The following EFCAB6 variants were observed in gnomAD, a reference collection of about 807,000 sequenced individuals.
The protein encoded by EFCAB6 is EF-hand calcium binding domain 6, also known as EF-hand calcium-binding domain-containing protein 6.
Under a neutral mutation model 169.8 loss-of-function variants are expected in EFCAB6, and 156 were observed. The ratio of observed to expected loss-of-function variants is 0.92; its 90% CI spans 0.81 to 1.05. EFCAB6 has a LOEUF of 1.05. Ranked by LOEUF, EFCAB6 falls within the 50% of genes least tolerant of loss-of-function variation. EFCAB6 has a pLI of 0.00. For missense variants in EFCAB6, 1,800 were observed against 1,829.1 expected (o/e 0.98, Z 0.29); for synonymous variants, 698 against 676.4 (o/e 1.03, Z -0.50).
chr22:43,654,166 TATGAATAA>T (rs1217683415), intron 17 of EFCAB6, among the ~76,000 whole-genome samples: 4 of 152,262 alleles, frequency 2.6e-5, no homozygotes, highest in Non-Finnish European at 2.9e-5. Flanking sequence ...TCCATTCTAA[TATGAATAA>T]ATGGTTGAGT....
chr22:43,753,630 C>T lies in EFCAB6; in HGVS notation c.507+2136G>A, dbSNP rs559959142. Among the ~76,000 whole-genome samples the T allele has an allele frequency of 2.6e-5, 4 of 152,228 alleles. No individual in the cohort carries two copies. The South Asian group carries it at 6.2e-4, about 24-fold the overall frequency. On this transcript the variant is annotated intron_variant, in intron 6 of 31. Coordinates refer to ENST00000262726, the MANE Select transcript of EFCAB6 (RefSeq NM_022785.4). Reference sequence around the variant, plus strand: ...GACTGGATAAGAGCATGAACATGAGCGTCGGTTGGAGGGTCTGAGGGCCTG... The same window carrying T: ...GACTGGATAAGAGCATGAACATGAGTGTCGGTTGGAGGGTCTGAGGGCCTG...
intron 20 of EFCAB6, among the ~76,000 whole-genome samples, chr22:43,620,302 G>A (rs938534513): frequency 6.6e-6 from 1 of 151,758 alleles, no homozygotes; most frequent in Non-Finnish European, 1.5e-5. Context: ...GAGTGAGAGA[G>A]CTAGTTAAAA....
chr22:43,564,129 C>T (rs2049263750), intron 26 of EFCAB6, among the ~76,000 whole-genome samples: 1 of 152,170 alleles, frequency 6.6e-6, no homozygotes, highest in South Asian at 2.1e-4. Flanking sequence ...CAGGCATCTT[C>T]CAGGACATCC....
chr22:43,653,076 A>G (rs1250321419), intron 17 of EFCAB6, among the ~76,000 whole-genome samples: 1 of 152,194 alleles, frequency 6.6e-6, no homozygotes, highest in East Asian at 1.9e-4. Context: ...GATAGAAACT[A>G]CACAAAAGAG....
intron 20 of EFCAB6, among the ~76,000 whole-genome samples, chr22:43,620,816 G>C (rs2054066025): frequency 1.3e-5 from 2 of 152,086 alleles, no homozygotes; most frequent in Non-Finnish European, 2.9e-5. Flanking sequence ...GTAACTGATA[G>C]AATAAGGAGA....
At chr22:43,637,045 C>T (rs1308520683) in intron 17 of EFCAB6, among the ~76,000 whole-genome samples, 1 of 152,186 alleles carries the variant, frequency 6.6e-6, no homozygotes, top group East Asian at 1.9e-4. Flanking sequence ...CCATGGAGCC[C>T]TGGTGTCTTC....
intron 2 of EFCAB6, among the ~76,000 whole-genome samples, chr22:43,784,569 G>GTA (rs1569487286): frequency 2.5e-5 from 1 of 40,010 alleles, no homozygotes; most frequent in Admixed American, 4.3e-4. Flanking sequence ...ACATATATAT[G>GTA]TGTACATATA....
intron 3 of EFCAB6, among the ~76,000 whole-genome samples, chr22:43,779,170 G>A (rs2061733003): frequency 6.6e-6 from 1 of 152,188 alleles, no homozygotes; most frequent in South Asian, 2.1e-4. Context: ...GAATTCACTT[G>A]TTTTGCTTAG....
rs143964631 is a variant in EFCAB6, at chr22:43,570,810, G to A, written c.3420+5487C>T. Among the ~76,000 whole-genome samples, 4 of 152,266 alleles carry A rather than the reference G, an allele frequency of 2.6e-5. No individual in the cohort carries two copies. In the East Asian group the frequency reaches 5.8e-4, roughly 22 times the overall value. ...CGTCGCCTTCCCTTCCCGGAAGCTCGCAGGCCTCTGTGCCTCCTGGGCTGG... is the reference window on the plus strand; with the variant it reads ...CGTCGCCTTCCCTTCCCGGAAGCTCACAGGCCTCTGTGCCTCCTGGGCTGG... On this transcript the variant is annotated intron_variant, in intron 26 of 31. Coordinates refer to ENST00000262726, the MANE Select transcript of EFCAB6 (RefSeq NM_022785.4).
chr22:43,588,268 A>G (rs557166423), intron 24 of EFCAB6, among the ~76,000 whole-genome samples: 1 of 152,248 alleles, frequency 6.6e-6, no homozygotes, highest in Non-Finnish European at 1.5e-5. Context: ...ATATTTTTGA[A>G]GAAAATATCC....
chr22:43,587,381 T>A (rs577775768), intron 24 of EFCAB6, among the ~76,000 whole-genome samples: 1 of 152,340 alleles, frequency 6.6e-6, no homozygotes, highest in South Asian at 2.1e-4. Context: ...CCTGGTGGCT[T>A]AAAGCAACAC....
intron 17 of EFCAB6, among the ~76,000 whole-genome samples, chr22:43,642,809 A>T (rs2055888240): frequency 6.6e-6 from 1 of 152,200 alleles, no homozygotes; most frequent in East Asian, 1.9e-4. Flanking sequence ...CACAGGCCGC[A>T]GGATATTGGG....
chr22:43,690,226 G>T (rs950369947), intron 10 of EFCAB6, among the ~76,000 whole-genome samples: 1 of 151,940 alleles, frequency 6.6e-6, no homozygotes, highest in Non-Finnish European at 1.5e-5. Flanking sequence ...CGGGCTGGGC[G>T]CGGTGGCTCA....
chr22:43,688,126 G>A (rs758358651), intron 10 of EFCAB6, among the ~76,000 whole-genome samples: 13 of 152,198 alleles, frequency 8.5e-5, no homozygotes, highest in Non-Finnish European at 1.6e-4. Flanking sequence ...CATGAGGACA[G>A]AAGGGCAGAA....
chr22:43,586,161 T>C (rs2051049732), intron 24 of EFCAB6, among the ~76,000 whole-genome samples: 1 of 152,084 alleles, frequency 6.6e-6, no homozygotes, highest in Non-Finnish European at 1.5e-5. Context: ...CAACCATGTG[T>C]TGGGTGATTA....
intron 17 of EFCAB6, among the ~76,000 whole-genome samples, chr22:43,638,087 C>T (rs1034603112): frequency 2.0e-5 from 3 of 152,138 alleles, no homozygotes; most frequent in Non-Finnish European, 2.9e-5. Flanking sequence ...ACCGGAGCAC[C>T]GCAGAGAACA....
chr22:43,566,027 A>C (rs541436606), intron 26 of EFCAB6, among the ~76,000 whole-genome samples: 21 of 150,370 alleles, frequency 1.4e-4, no homozygotes, highest in Admixed American at 1.2e-3. Context: ...AAAAAAAAAG[A>C]TAAAACATTA....
chr22:43,732,776 T>A (rs372637129), intron 7 of EFCAB6, among the ~76,000 whole-genome samples: 8 of 152,298 alleles, frequency 5.3e-5, no homozygotes, highest in South Asian at 2.1e-4. Context: ...CGAGATAACC[T>A]TTTTTTAAAG....
rs376864064 is a variant in EFCAB6 at position 43,632,245 on chromosome 22, C to G, written c.2099-7G>C. 1.2e-5 allele frequency: 18 copies of G among 1,542,854 alleles called. No homozygotes were observed. In the South Asian group the frequency reaches 2.0e-4, roughly 17 times the overall value. On this transcript the variant is annotated splice_polypyrimidine_tract_variant and splice_region_variant and intron_variant, in intron 18 of 31. Transcript: ENST00000262726. The stretch of plus-strand genomic sequence containing the variant: ...GGCCCTCTCATTGGAGGATCTGGAA[C>G]AATTACAAAGATCGGGGTTTCCATT...
Sources: allele counts gnomAD v4.1 joint callset (sites outside exome capture counted in the v4.1 genomes callset), GRCh38; gene constraint gnomAD v4.1.1; transcripts MANE v1.5; gene names NCBI Gene and HGNC (gene_info 2026-07-23, HGNC 2026-07-21).